The following PDCD6IP variants were observed in gnomAD, a reference collection of about 807,000 sequenced individuals.
PDCD6IP encodes programmed cell death 6-interacting protein.
In PDCD6IP, 43 loss-of-function variants were observed where a neutral mutation model predicts 103.7. That is an observed-to-expected ratio of 0.41 (90% CI 0.32 to 0.53). PDCD6IP has a LOEUF of 0.53. Among genes scored for constraint, PDCD6IP ranks in the 20% least tolerant of loss-of-function variants. The pLI is 0.16. For missense variants in PDCD6IP, 871 were observed against 1,036.7 expected, an observed-to-expected ratio of 0.84 and a Z score of 2.20; for synonymous variants, 354 against 378.7, an observed-to-expected ratio of 0.93 and a Z score of 0.76.
chr3:33,802,822 C>T (rs1232223169), intron 1 of PDCD6IP, among the ~76,000 whole-genome samples: 4 of 152,170 alleles, frequency 2.6e-5, no homozygotes, highest in Admixed American at 1.3e-4. Flanking sequence ...GTGAACCTAC[C>T]TTCAGAGTAG....
chr3:33,847,495 A>G (rs1262676520), intron 12 of PDCD6IP, among the ~76,000 whole-genome samples: 1 of 146,684 alleles, frequency 6.8e-6, no homozygotes, highest in Non-Finnish European at 1.5e-5. Flanking sequence ...AGGTTTATCA[A>G]AGCTATTTCA....
chr3:33,839,170 A>C (rs138718912), intron 9 of PDCD6IP, among the ~76,000 whole-genome samples: 1 of 152,166 alleles, frequency 6.6e-6, no homozygotes, highest in African/African-American at 2.4e-5. Flanking sequence ...GTTAGAGAAC[A>C]TTACTGTTAC....
chr3:33,840,101 A>G (rs1172297475), intron 9 of PDCD6IP, among the ~76,000 whole-genome samples: 2 of 152,026 alleles, frequency 1.3e-5, no homozygotes, highest in East Asian at 3.9e-4. Context: ...TGAGTCCCCA[A>G]AACTTAACTA....
At chr3:33,850,400 G>T (rs1311634870) in intron 12 of PDCD6IP, among the ~76,000 whole-genome samples, 1 of 151,894 alleles carries the variant, frequency 6.6e-6, no homozygotes, top group Non-Finnish European at 1.5e-5. Flanking sequence ...TGATTCAAAA[G>T]GTACATACAG....
intron 15 of PDCD6IP, among the ~76,000 whole-genome samples, chr3:33,858,783 C>G (rs1452549573): frequency 6.6e-6 from 1 of 152,172 alleles, no homozygotes; most frequent in East Asian, 1.9e-4. Context: ...GTACTCCAGC[C>G]TGGGCAACAG....
intron 7 of PDCD6IP, among the ~76,000 whole-genome samples, chr3:33,831,189 G>A (rs1697236901): frequency 6.6e-6 from 1 of 151,722 alleles, no homozygotes; most frequent in South Asian, 2.1e-4. Context: ...CATCTTGGTG[G>A]ATCTTCAAAG....
chr3:33,813,628 G>C lies in PDCD6IP; in HGVS notation c.334G>C (p.Ala112Pro). 1.3e-6 allele frequency: 2 copies of C among 1,567,048 alleles called. No homozygotes were observed. Among genetic ancestry groups the C allele is most frequent in the Non-Finnish European group, 1.8e-6 (2 of 1,139,426 alleles). Residue 112 changes from alanine to proline, a missense_variant and splice_region_variant, in exon 3 of 18, where the codon GCT becomes CCT. By Grantham distance (27) the Ala-to-Pro change is conservative. Transcript: ENST00000307296. ...ACTTTTTGGAGGCTCTGTAAAACTG[G>C]GTATGTAATTTTTAATAAAAGTGAT... is the stretch of plus-strand genomic sequence containing the variant. ...GSLFGGSVKL[A>P]LASLGYEKSC...
chr3:33,847,660 C>T (rs1296309777), intron 12 of PDCD6IP, among the ~76,000 whole-genome samples: 1 of 152,150 alleles, frequency 6.6e-6, no homozygotes, highest in Non-Finnish European at 1.5e-5. Flanking sequence ...TGTGAAGAAG[C>T]CTACTGTCTG....
chr3:33,811,130 C>A, intron 1 of PDCD6IP: 1 of 425,578 alleles, frequency 2.3e-6, no homozygotes, highest in Non-Finnish European at 4.7e-6. Context: ...AGTGATCCAC[C>A]TGCCTCAGCC....
In PDCD6IP at chr3:33,869,163, T is replaced by C. The variant is rs113706827; in HGVS notation, c.*2638T>C. The C allele has an allele frequency of 3.9e-5, 6 of 152,340 alleles. No individual in the cohort carries two copies. Among genetic ancestry groups the C allele is most frequent in the African/African-American group, 1.4e-4 (6 of 41,580 alleles). The allele number at this position is 152,340 out of a possible 1,614,324, so 9.4% of individuals were successfully genotyped here. On this transcript the variant is annotated 3_prime_UTR_variant, in exon 18 of 18. Transcript: ENST00000307296. ...ATAAAAAATGTTTTCCATTTGAACTTTACAGTTTGCAAAAGTGCTTTTATA... is the reference window on the plus strand; with the variant it reads ...ATAAAAAATGTTTTCCATTTGAACTCTACAGTTTGCAAAAGTGCTTTTATA...
At chr3:33,847,778 C>T (rs769273684) in intron 12 of PDCD6IP, among the ~76,000 whole-genome samples, 1 of 152,094 alleles carries the variant, frequency 6.6e-6, no homozygotes, top group African/African-American at 2.4e-5. Context: ...GTATTAAATA[C>T]CTAGGATCAC....
chr3:33,821,884 T>G, intron 3 of PDCD6IP, 71 bp from the exon 4 acceptor site: 1 of 1,451,516 alleles, frequency 6.9e-7, no homozygotes, highest in South Asian at 1.3e-5. Flanking sequence ...GGTCATAGTA[T>G]TTCTCTTTGA....
rs1270836320 is a variant in PDCD6IP at position 33,868,021 on chromosome 3, G to A, written c.*1496G>A. 6.6e-6 allele frequency: 1 copy of A among 152,064 alleles called. No individual in the cohort carries two copies. Among genetic ancestry groups the A allele is most frequent in the Non-Finnish European group, 1.5e-5 (1 of 68,000 alleles). The allele number at this position is 152,064 out of a possible 1,614,324, so 9.4% of individuals were successfully genotyped here. Reference sequence around the variant, plus strand: ...CTTTGTTGTGTGTAGGAAACATGAAGGCATGTTAATTCAATATAAATGACC... The same window carrying A: ...CTTTGTTGTGTGTAGGAAACATGAAAGCATGTTAATTCAATATAAATGACC... On this transcript the variant is annotated 3_prime_UTR_variant, in exon 18 of 18. Coordinates refer to ENST00000307296, the MANE Select transcript of PDCD6IP (RefSeq NM_013374.6).
Position 33,822,006 on chromosome 3 carries a change from C to G in PDCD6IP, c.386C>G (p.Ala129Gly), listed in dbSNP as rs774626200. Reference protein sequence around the residue: ...EKSCVLFNCAALASQIAAEQN... With the variant: ...EKSCVLFNCAGLASQIAAEQN... Reference sequence around the variant, plus strand: ...AGCTGTGTGTTGTTCAATTGTGCAGCCTTAGCTAGCCAAATTGCAGCAGAA... The same window carrying G: ...AGCTGTGTGTTGTTCAATTGTGCAGGCTTAGCTAGCCAAATTGCAGCAGAA... The change falls in exon 4 of 18, where the codon GCC becomes GGC. Residue 129 changes from alanine (A) to glycine (G), a missense_variant. By Grantham distance (60) the Ala-to-Gly change is moderately conservative. This residue lies in a region of PDCD6IP where 47 missense variants were observed against 83.7 expected (regional missense o/e 0.56). Coordinates refer to ENST00000307296, the MANE Select transcript of PDCD6IP (RefSeq NM_013374.6). The G allele has an allele frequency of 3.7e-6, 6 of 1,613,896 alleles. No homozygotes were observed. Among genetic ancestry groups the G allele is most frequent in the Non-Finnish European group, 4.2e-6 (5 of 1,179,800 alleles).
At chr3:33,825,839 T>G (rs977112979) in intron 5 of PDCD6IP, among the ~76,000 whole-genome samples, 5 of 152,168 alleles carry the variant, frequency 3.3e-5, no homozygotes, top group Admixed American at 6.5e-5. Flanking sequence ...GGTATGGTTA[T>G]GGGATAGGGA....
intron 7 of PDCD6IP, among the ~76,000 whole-genome samples, chr3:33,829,886 T>TA (rs768430621): frequency 6.6e-6 from 1 of 152,200 alleles, no homozygotes; most frequent in Non-Finnish European, 1.5e-5. Context: ...TGTGTTGTGT[T>TA]ACCTGTGGTG....
intron 9 of PDCD6IP, among the ~76,000 whole-genome samples, chr3:33,841,026 C>CT (rs552141831): frequency 0.078 from 10,915 of 140,666 alleles, 553 homozygotes; most frequent in African/African-American, 0.14. Context: ...TATTTTTTGA[C>CT]TTTTTTTTTT....
chr3:33,808,319 C>T (rs1323281578), intron 1 of PDCD6IP, among the ~76,000 whole-genome samples: 1 of 152,122 alleles, frequency 6.6e-6, no homozygotes, highest in Non-Finnish European at 1.5e-5. Context: ...CATGGCCCAT[C>T]CTGGAGTACA....
intron 1 of PDCD6IP, among the ~76,000 whole-genome samples, chr3:33,800,286 C>T (rs574077046): frequency 7.2e-5 from 11 of 152,188 alleles, no homozygotes; most frequent in African/African-American, 2.6e-4. Flanking sequence ...AGTGTAATAA[C>T]AATCGTCCGC....
Sources: gnomAD v4.1 joint callset for allele counts (sites outside exome capture counted in the v4.1 genomes callset) on GRCh38, gnomAD v4.1.1 for gene constraint, gnomAD v4.1.1 regional missense constraint, MANE v1.5 for transcripts, NCBI Gene and HGNC (gene_info 2026-07-23, HGNC 2026-07-21) for gene names.